The following TESK2 variants were observed in gnomAD, a reference collection of about 807,000 sequenced individuals.
TESK2 encodes testis associated actin remodelling kinase 2, also known as dual specificity testis-specific protein kinase 2.
Under a neutral mutation model 57.1 loss-of-function variants are expected in TESK2, and 39 were observed. The ratio of observed to expected loss-of-function variants is 0.68; its 90% CI spans 0.53 to 0.89. TESK2 has a LOEUF of 0.89. Ranked by LOEUF, TESK2 falls within the 40% of genes least tolerant of loss-of-function variation. The probability of loss-of-function intolerance (pLI) is 0.00; values close to 1 mark genes in which losing one functional copy is unlikely to be tolerated. For synonymous variants in TESK2, 249 were observed against 267.9 expected, an observed-to-expected ratio of 0.93 and a Z score of 0.69; for missense variants, 646 against 732.1, an observed-to-expected ratio of 0.88 and a Z score of 1.36.
chr1:45,466,028 T>C (rs980199224), intron 1 of TESK2, among the ~76,000 whole-genome samples: 11 of 152,262 alleles, frequency 7.2e-5, no homozygotes, highest in African/African-American at 2.2e-4. Flanking sequence ...TTTATAAAAA[T>C]GTATTTTAAA....
At chr1:45,422,481 T>C (rs906864733) in intron 2 of TESK2, among the ~76,000 whole-genome samples, 1 of 152,208 alleles carries the variant, frequency 6.6e-6, no homozygotes. Context: ...TCTCACTGTG[T>C]CACCCAGACT....
chr1:45,348,150 C>A, intron 5 of TESK2, 150 bp from the exon 6 acceptor site: 2 of 644,024 alleles, frequency 3.1e-6, no homozygotes, highest in Non-Finnish European at 5.6e-6. Flanking sequence ...CTGGTCAGGT[C>A]AGGGGCTCTA....
At chr1:45,477,013 A>T (rs1325059915) in intron 1 of TESK2, among the ~76,000 whole-genome samples, 1 of 139,936 alleles carries the variant, frequency 7.1e-6, no homozygotes, top group African/African-American at 2.7e-5. Flanking sequence ...TGTTGACTAG[A>T]TTGGTCTTGA....
At chr1:45,450,759 TTC>T (rs756846982) in intron 2 of TESK2, among the ~76,000 whole-genome samples, 3 of 144,538 alleles carry the variant, frequency 2.1e-5, no homozygotes, top group South Asian at 2.2e-4. Flanking sequence ...ATTTATTTAT[TTC>T]TTTTTCTTTT....
chr1:45,390,702 A>C (rs1649099245), intron 3 of TESK2, among the ~76,000 whole-genome samples: 1 of 150,888 alleles, frequency 6.6e-6, no homozygotes, highest in African/African-American at 2.4e-5. Context: ...CAGCCTCATG[A>C]GCAGCTAGGA....
At chr1:45,430,772 T>G (rs1216842701) in intron 2 of TESK2, among the ~76,000 whole-genome samples, 1 of 152,214 alleles carries the variant, frequency 6.6e-6, no homozygotes, top group Non-Finnish European at 1.5e-5. Flanking sequence ...ATAAAAGTCT[T>G]GAGCCAAGCC....
At chr1:45,436,340 A>T (rs1651221810) in intron 2 of TESK2, among the ~76,000 whole-genome samples, 2 of 148,782 alleles carry the variant, frequency 1.3e-5, no homozygotes, top group Admixed American at 6.7e-5. Flanking sequence ...ACACACCACC[A>T]CACCTGGATA....
At chr1:45,365,584 G>T (rs989062198) in intron 4 of TESK2, among the ~76,000 whole-genome samples, 3 of 151,748 alleles carry the variant, frequency 2.0e-5, no homozygotes, top group Non-Finnish European at 4.4e-5. Context: ...CATGATCTCA[G>T]CTCGTTGCAA....
intron 4 of TESK2, among the ~76,000 whole-genome samples, chr1:45,359,966 G>T (rs1369752889): frequency 6.6e-6 from 1 of 152,158 alleles, no homozygotes; most frequent in African/African-American, 2.4e-5. Context: ...AAAAGAACCA[G>T]TTGGGGGCAG....
intron 4 of TESK2, among the ~76,000 whole-genome samples, chr1:45,358,157 C>CA (rs1388570305): frequency 2.0e-5 from 3 of 151,108 alleles, no homozygotes; most frequent in Admixed American, 2.0e-4. Context: ...ACTAAAAATA[C>CA]AAAAAATTAG....
At chr1:45,473,023 G>A (rs560024053) in intron 1 of TESK2, among the ~76,000 whole-genome samples, 4 of 151,352 alleles carry the variant, frequency 2.6e-5, no homozygotes, top group South Asian at 2.1e-4. Context: ...GTGTGGTGGC[G>A]GGTGCCTGTA....
Position 45,455,936 on chromosome 1 carries a change from T to C in TESK2, c.222+1628A>G, listed in dbSNP as rs541513180. ...GGCTGGGTGTGGTGGCTCTTACCTG[T>C]AATCCCAACACTTTGGGAGGCCGAG... On this transcript the variant is annotated intron_variant, in intron 2 of 10. Coordinates refer to ENST00000372086, the MANE Select transcript of TESK2 (RefSeq NM_007170.3). 6.6e-5 allele frequency among the ~76,000 whole-genome samples: 10 copies of C among 152,130 alleles called. No individual in the cohort carries two copies. In the South Asian group the frequency reaches 2.1e-3, roughly 32 times the overall value.
intron 2 of TESK2, among the ~76,000 whole-genome samples, chr1:45,430,332 A>T (rs1224479345): frequency 6.6e-6 from 1 of 152,066 alleles, no homozygotes; most frequent in Non-Finnish European, 1.5e-5. Context: ...TACAAAAAAA[A>T]ATACAAAAAT....
chr1:45,475,531 T>C (rs1652954096), intron 1 of TESK2, among the ~76,000 whole-genome samples: 1 of 152,108 alleles, frequency 6.6e-6, no homozygotes, highest in South Asian at 2.1e-4. Context: ...TTTATAGCCA[T>C]GAAAAATGAC....
intron 2 of TESK2, among the ~76,000 whole-genome samples, chr1:45,424,297 C>G (rs1173116910): frequency 6.6e-6 from 1 of 152,130 alleles, no homozygotes; most frequent in East Asian, 1.9e-4. Flanking sequence ...TTCAGAGAGG[C>G]CAGGCAGAAG....
intron 4 of TESK2, among the ~76,000 whole-genome samples, chr1:45,361,220 C>T (rs1158230576): frequency 6.6e-6 from 1 of 152,206 alleles, no homozygotes; most frequent in Admixed American, 6.5e-5. Flanking sequence ...AAACAAATCC[C>T]TCTGCAGGAA....
intron 1 of TESK2, among the ~76,000 whole-genome samples, chr1:45,486,886 G>A (rs1393701907): frequency 6.7e-5 from 10 of 148,608 alleles, no homozygotes; most frequent in Admixed American, 2.7e-4. Context: ...GCAGTGGCCC[G>A]ATCTCGGCTA....
chr1:45,474,742 T>C (rs997833565), intron 1 of TESK2, among the ~76,000 whole-genome samples: 27 of 150,596 alleles, frequency 1.8e-4, no homozygotes, highest in Non-Finnish European at 3.4e-4. Context: ...CCTCCCAAAG[T>C]GCTGGGATTA....
intron 2 of TESK2, among the ~76,000 whole-genome samples, chr1:45,432,135 G>C (rs999351033): frequency 3.9e-5 from 6 of 151,952 alleles, no homozygotes; most frequent in Non-Finnish European, 8.8e-5. Context: ...TGTGGTCCCA[G>C]ATACTTGGGA....
Sources: gnomAD v4.1 joint callset for allele counts (sites outside exome capture counted in the v4.1 genomes callset) on GRCh38, gnomAD v4.1.1 for gene constraint, MANE v1.5 for transcripts, NCBI Gene and HGNC (gene_info 2026-07-23, HGNC 2026-07-21) for gene names.